The following HELZ variants were observed in gnomAD, a reference collection of about 807,000 sequenced individuals.
The protein encoded by HELZ is ATP-dependent RNA helicase with zinc finger domain.
In HELZ, 23 loss-of-function variants were observed where a neutral mutation model predicts 218.2. The ratio of observed to expected loss-of-function variants is 0.11; its 90% CI spans 0.08 to 0.15. The LOEUF (loss-of-function observed/expected upper bound fraction) is 0.15. Among genes scored for constraint, HELZ ranks in the 10% least tolerant of loss-of-function variants. The pLI is 1.00. For missense variants in HELZ, 1,813 were observed against 2,353.7 expected, an observed-to-expected ratio of 0.77 and a Z score of 4.75; for synonymous variants, 814 against 829.4, an observed-to-expected ratio of 0.98 and a Z score of 0.32.
At chr17:67,241,357 CT>C (rs1382330052) in intron 2 of HELZ, among the ~76,000 whole-genome samples, 1 of 152,174 alleles carries the variant, frequency 6.6e-6, no homozygotes, top group Non-Finnish European at 1.5e-5. Flanking sequence ...TGTATGGGGC[CT>C]GTATTTGGAT....
At chr17:67,091,400 T>C (rs1360728966) in intron 31 of HELZ, among the ~76,000 whole-genome samples, 1 of 152,102 alleles carries the variant, frequency 6.6e-6, no homozygotes, top group African/African-American at 2.4e-5. Flanking sequence ...ATATTTTAGG[T>C]AGTAATTAAA....
At chr17:67,214,411 G>A (rs984004759) in intron 5 of HELZ, among the ~76,000 whole-genome samples, 8 of 151,310 alleles carry the variant, frequency 5.3e-5, no homozygotes, top group African/African-American at 1.2e-4. Flanking sequence ...GATTACAGGC[G>A]TGCACCACCA....
intron 23 of HELZ, among the ~76,000 whole-genome samples, chr17:67,132,005 C>T (rs972372859): frequency 1.3e-5 from 2 of 151,956 alleles, no homozygotes; most frequent in Non-Finnish European, 2.9e-5. Context: ...CTCCCTAAAA[C>T]GTTAACATAA....
At chr17:67,116,752 T>C (rs1395379355) in intron 27 of HELZ, among the ~76,000 whole-genome samples, 1 of 152,190 alleles carries the variant, frequency 6.6e-6, no homozygotes, top group East Asian at 1.9e-4. Flanking sequence ...ACCAATTATA[T>C]TGGGAGATTT....
At chr17:67,186,863 G>A (rs774701312) in intron 12 of HELZ, among the ~76,000 whole-genome samples, 2 of 152,176 alleles carry the variant, frequency 1.3e-5, no homozygotes, top group African/African-American at 2.4e-5. Flanking sequence ...TAAAAAGGAT[G>A]CTGCTTAGTG....
In HELZ at chr17:67,107,666, C is replaced by G. The variant is rs2037149410; in HGVS notation, c.4744G>C (p.Glu1582Gln). 3 of 1,613,082 alleles carry G rather than the reference C, an allele frequency of 1.9e-6. No individual in the cohort carries two copies. The highest frequency in any genetic ancestry group is 2.7e-5 in the African/African-American group (2 of 74,850). Residue 1582 changes from glutamate (E) to glutamine (Q), a missense_variant, in exon 31 of 33, where the codon GAA (glutamate) becomes CAA (glutamine). Glu to Gln is a conservative substitution (Grantham distance 29). Transcript: ENST00000358691. ...TCACTTTGATCACGATGAGACAGTT[C>G]TCTGATTAAGTCTTGAAACCTACAT... ...TYSRFQDLIR[E>Q]LSHRDQSETR...
intron 31 of HELZ, among the ~76,000 whole-genome samples, chr17:67,089,341 C>T (rs552372770): frequency 5.9e-5 from 9 of 151,634 alleles, no homozygotes; most frequent in Admixed American, 6.6e-5. Flanking sequence ...AGGAAGAAAA[C>T]GAAAACTCAG....
chr17:67,150,130 C>CTTTTTTT lies in HELZ; in HGVS notation c.2357-152_2357-146dup, dbSNP rs11408678. 321 of 180,066 alleles carry CTTTTTTT rather than the reference C, an allele frequency of 1.8e-3. 2 individuals are homozygous for CTTTTTTT. Among genetic ancestry groups the CTTTTTTT allele is most frequent in the South Asian group, 3.5e-3 (62 of 17,742 alleles). 11.2% of individuals were successfully genotyped at this position (180,066 alleles called of 1,614,324 possible). On this transcript the variant is annotated intron_variant, in intron 18 of 32. Coordinates refer to ENST00000358691, the MANE Select transcript of HELZ (RefSeq NM_014877.4). The stretch of plus-strand genomic sequence containing the variant: ...GTACTTTTATTTATTTATTTTCTTT[C>CTTTTTTT]TTTTTTTTTTTTTTTTTTTTTTTGA...
intron 3 of HELZ, among the ~76,000 whole-genome samples, chr17:67,227,929 T>G (rs2040937801): frequency 6.6e-6 from 1 of 152,246 alleles, no homozygotes. Context: ...AGAGAGACTT[T>G]AAGCAAAAGT....
chr17:67,122,363 G>C (rs2037637391), intron 26 of HELZ, among the ~76,000 whole-genome samples: 1 of 152,196 alleles, frequency 6.6e-6, no homozygotes, highest in Non-Finnish European at 1.5e-5. Context: ...GGCTAACATG[G>C]TGAAACCCCG....
In HELZ at chr17:67,218,725, T is replaced by C. The variant is rs935908194; in HGVS notation, c.80A>G (p.Lys27Arg). The change falls in exon 4 of 33, where the codon AAG becomes AGG. Residue 27 changes from lysine to arginine, a missense_variant. Lys to Arg is a conservative substitution (Grantham distance 26, BLOSUM62 2). Transcript: ENST00000358691. The stretch of plus-strand genomic sequence containing the variant: ...AGAAAGAAGGGCCTCTGTGCAGTGC[T>C]TGAGGGCCATTTCATAGTCCTGCCT... ...LKRQDYEMAL[K>R]HCTEALLSLG... 2.5e-6 allele frequency: 4 copies of C among 1,614,042 alleles called. No individual in the cohort carries two copies. In the African/African-American group the frequency reaches 4.0e-5, roughly 16 times the overall value.
At chr17:67,107,081 A>T in intron 31 of HELZ, 88 bp downstream of exon 31, 1 of 1,202,104 alleles carries the variant, frequency 8.3e-7, no homozygotes, top group East Asian at 2.3e-5. Flanking sequence ...AAATTCAATA[A>T]GATCTGTGCC....
At chr17:67,241,560 T>G (rs574458907) in intron 2 of HELZ, among the ~76,000 whole-genome samples, 21 of 152,320 alleles carry the variant, frequency 1.4e-4, no homozygotes, top group African/African-American at 4.8e-4. Flanking sequence ...CAAGTAAAAA[T>G]GACTTTTCCT....
At chr17:67,135,928 T>C (rs778548247) in intron 23 of HELZ, 42 bp downstream of exon 23, 3 of 1,469,926 alleles carry the variant, frequency 2.0e-6, no homozygotes, top group Non-Finnish European at 2.8e-6. Context: ...ACAAATCATG[T>C]CACATTTCCC....
chr17:67,101,987 C>T (rs1567800771), intron 31 of HELZ, among the ~76,000 whole-genome samples: 1 of 152,200 alleles, frequency 6.6e-6, no homozygotes, highest in Non-Finnish European at 1.5e-5. Flanking sequence ...CCCATCACAC[C>T]TGTAAGGACC....
intron 13 of HELZ, among the ~76,000 whole-genome samples, 185 bp from the exon 14 acceptor site, chr17:67,167,981 A>T (rs964071978): frequency 6.9e-4 from 103 of 149,514 alleles, no homozygotes; most frequent in Non-Finnish European, 1.1e-3. Context: ...ACAAAAAAAA[A>T]TTTTTTTTTT....
Position 67,077,758 on chromosome 17 carries a change from T to C in HELZ, c.*494A>G, listed in dbSNP as rs1598163124. ...AAGCTGATAAAACTTATTTAGAAGA[T>C]GCTGCCCCTTTATTTTAAAAAAAAT... On this transcript the variant is annotated 3_prime_UTR_variant, in exon 33 of 33. Transcript: ENST00000358691. The C allele has an allele frequency of 6.8e-6, 1 of 148,070 alleles. No individual in the cohort carries two copies. The highest frequency in any genetic ancestry group is 2.5e-5 in the African/African-American group (1 of 40,378). 9.2% of individuals were successfully genotyped at this position (148,070 alleles called of 1,614,324 possible).
intron 12 of HELZ, among the ~76,000 whole-genome samples, chr17:67,185,904 C>T (rs899514197): frequency 6.6e-6 from 1 of 152,110 alleles, no homozygotes; most frequent in Non-Finnish European, 1.5e-5. Flanking sequence ...ATCCTCTCTA[C>T]CACATCTGAA....
intron 31 of HELZ, among the ~76,000 whole-genome samples, chr17:67,095,087 A>G (rs929708871): frequency 6.6e-6 from 1 of 152,234 alleles, no homozygotes; most frequent in Non-Finnish European, 1.5e-5. Context: ...AATGGGAGTC[A>G]ATCTTCTTAA....
Sources: allele counts gnomAD v4.1 joint callset (sites outside exome capture counted in the v4.1 genomes callset), GRCh38; gene constraint gnomAD v4.1.1; transcripts MANE v1.5; gene names NCBI Gene and HGNC (gene_info 2026-07-23, HGNC 2026-07-21).